Variants in RBFOX1 observed in about 807,000 individuals in gnomAD.
RBFOX1 encodes RNA binding protein fox-1 homolog 1.
RBFOX1 carries 8 observed loss-of-function variants against 57.7 expected under a neutral mutation model. The observed-to-expected ratio is 0.14, with a 90% confidence interval of 0.08 to 0.25. The LOEUF is 0.25. Ranked by LOEUF, RBFOX1 falls within the 10% of genes least tolerant of loss-of-function variation. RBFOX1 has a pLI of 1.00. For synonymous variants in RBFOX1, 326 were observed against 222.4 expected, an observed-to-expected ratio of 1.47 and a Z score of -4.15; for missense variants, 611 against 548.5, an observed-to-expected ratio of 1.11 and a Z score of -1.14.
chr16:6,934,558 T>C (rs2077059850), intron 3 of RBFOX1, among the ~76,000 whole-genome samples: 1 of 152,146 alleles, frequency 6.6e-6, no homozygotes, highest in Non-Finnish European at 1.5e-5. Context: ...AAAGAAGGAA[T>C]TTTTTAAAAA....
At chr16:5,640,610 G>A (rs1027772013) in intron 3 of RBFOX1, among the ~76,000 whole-genome samples, 14 of 149,444 alleles carry the variant, frequency 9.4e-5, no homozygotes, top group African/African-American at 1.5e-4. Flanking sequence ...ACACACATGC[G>A]CATACATATG....
chr16:5,903,160 G>A (rs1307806756), intron 4 of RBFOX1, among the ~76,000 whole-genome samples: 1 of 152,072 alleles, frequency 6.6e-6, no homozygotes, highest in Non-Finnish European at 1.5e-5. Flanking sequence ...GTCTGTATGG[G>A]AAATATGTTC....
At chr16:6,213,383 C>T (rs1170696270) in intron 1 of RBFOX1, among the ~76,000 whole-genome samples, 4 of 152,072 alleles carry the variant, frequency 2.6e-5, no homozygotes, top group Admixed American at 2.6e-4. Context: ...ATTTCTGAAG[C>T]TTCTCTTAGC....
intron 3 of RBFOX1, among the ~76,000 whole-genome samples, chr16:5,849,137 G>A (rs1260620474): frequency 6.6e-6 from 1 of 152,062 alleles, no homozygotes; most frequent in Non-Finnish European, 1.5e-5. Flanking sequence ...CGTCGTTGGG[G>A]TCAGAGATAA....
At chr16:6,917,684 C>A (rs1389377815) in intron 3 of RBFOX1, among the ~76,000 whole-genome samples, 1 of 152,170 alleles carries the variant, frequency 6.6e-6, no homozygotes, top group African/African-American at 2.4e-5. Context: ...GGTCTGTGTG[C>A]TGTGTGATGA....
At chr16:7,593,801 G>T (rs2094558319) in intron 7 of RBFOX1, among the ~76,000 whole-genome samples, 1 of 152,072 alleles carries the variant, frequency 6.6e-6, no homozygotes, top group South Asian at 2.1e-4. Context: ...GGTATCAGGG[G>T]TGGGGATGTC....
chr16:6,265,642 C>G (rs1395194375), intron 1 of RBFOX1, among the ~76,000 whole-genome samples: 1 of 152,254 alleles, frequency 6.6e-6, no homozygotes, highest in Admixed American at 6.5e-5. Context: ...TTTCTCAAGC[C>G]CTTCTTGTGC....
At chr16:5,426,961 G>T (rs993926516) in intron 1 of RBFOX1, among the ~76,000 whole-genome samples, 1 of 152,168 alleles carries the variant, frequency 6.6e-6, no homozygotes, top group East Asian at 1.9e-4. Context: ...AGTGGTAAAG[G>T]CAGGGTTCAA....
At chr16:5,827,752 G>C (rs1189697089) in intron 3 of RBFOX1, among the ~76,000 whole-genome samples, 1 of 152,044 alleles carries the variant, frequency 6.6e-6, no homozygotes, top group Non-Finnish European at 1.5e-5. Flanking sequence ...TCTTCCTCTG[G>C]ATGCACGCCA....
intron 3 of RBFOX1, among the ~76,000 whole-genome samples, chr16:7,035,142 C>T (rs1386441557): frequency 1.3e-5 from 2 of 151,888 alleles, no homozygotes; most frequent in Admixed American, 6.6e-5. Context: ...GCCGCTGCAC[C>T]GGGCCTCTGA....
intron 3 of RBFOX1, among the ~76,000 whole-genome samples, chr16:7,014,111 C>A (rs181809585): frequency 3.9e-5 from 6 of 152,312 alleles, no homozygotes; most frequent in South Asian, 2.1e-4. Flanking sequence ...TTTATTGGGA[C>A]AGGCAATTGT....
At chr16:7,516,125 A>G (rs8055479) in intron 4 of RBFOX1, among the ~76,000 whole-genome samples, 147,026 of 152,210 alleles carry the variant, frequency 0.97, 71,306 homozygotes, top group African/African-American at 0.99. Context: ...AATTACAGGC[A>G]TGAGGCAACA....
intron 14 of RBFOX1, among the ~76,000 whole-genome samples, chr16:7,707,748 C>G (rs1021952600): frequency 2.6e-5 from 4 of 152,208 alleles, no homozygotes; most frequent in African/African-American, 4.8e-5. Flanking sequence ...CCACTTGCCT[C>G]TAGGTGGAAC....
chr16:6,912,139 G>C (rs955841971), intron 3 of RBFOX1, among the ~76,000 whole-genome samples: 2 of 152,136 alleles, frequency 1.3e-5, no homozygotes, highest in African/African-American at 4.8e-5. Context: ...CTTTACGTTT[G>C]AGTTCTATTT....
intron 3 of RBFOX1, among the ~76,000 whole-genome samples, chr16:5,701,130 C>A (rs904275475): frequency 6.6e-6 from 1 of 152,024 alleles, no homozygotes; most frequent in Non-Finnish European, 1.5e-5. Context: ...TGTTAAAGAT[C>A]CTGGACCAAA....
At chr16:7,468,737 C>G (rs183090976) in intron 4 of RBFOX1, among the ~76,000 whole-genome samples, 6 of 152,222 alleles carry the variant, frequency 3.9e-5, no homozygotes, top group African/African-American at 1.4e-4. Flanking sequence ...GGGTCAGCCT[C>G]TGAGCAGGGA....
chr16:7,647,497 T>C (rs1183729081), intron 11 of RBFOX1, among the ~76,000 whole-genome samples: 1 of 152,002 alleles, frequency 6.6e-6, no homozygotes, highest in Non-Finnish European at 1.5e-5. Flanking sequence ...TTTCCATTGT[T>C]CCTTATTGAT....
At chr16:6,204,897 C>T (rs1039295593) in intron 1 of RBFOX1, among the ~76,000 whole-genome samples, 1 of 152,106 alleles carries the variant, frequency 6.6e-6, no homozygotes, top group African/African-American at 2.4e-5. Flanking sequence ...CATAAATGCA[C>T]GATAACACAC....
At chr16:7,688,448 G>T (rs1398547958) in intron 14 of RBFOX1, among the ~76,000 whole-genome samples, 1 of 151,956 alleles carries the variant, frequency 6.6e-6, no homozygotes, top group African/African-American at 2.4e-5. Flanking sequence ...TTGCTATGGG[G>T]AATGTTTACG....
Sources: allele counts gnomAD v4.1 joint callset (sites outside exome capture counted in the v4.1 genomes callset), GRCh38; gene constraint gnomAD v4.1.1; transcripts MANE v1.5; gene names NCBI Gene and HGNC (gene_info 2026-07-23, HGNC 2026-07-21).